Variants in SLC24A3 observed in about 807,000 individuals in gnomAD.
SLC24A3 encodes sodium/potassium/calcium exchanger 3.
A neutral mutation model predicts 75.8 loss-of-function variants in SLC24A3; 28 were observed. The observed-to-expected ratio is 0.37, with a 90% confidence interval of 0.27 to 0.51. The LOEUF is 0.51. Among genes scored for constraint, SLC24A3 ranks in the 20% least tolerant of loss-of-function variants. SLC24A3 has a pLI of 0.94. For synonymous variants in SLC24A3, 372 were observed against 334.1 expected (o/e 1.11, Z -1.24); for missense variants, 663 against 847.8 (o/e 0.78, Z 2.71).
At chr20:19,629,668 C>T (rs77506061) in intron 6 of SLC24A3, among the ~76,000 whole-genome samples, 6,742 of 152,208 alleles carry the variant, frequency 0.044, 523 homozygotes, top group African/African-American at 0.15. Context: ...AAGTGATTTG[C>T]CTCATACAAG....
At chr20:19,451,864 C>A (rs1211359614) in intron 2 of SLC24A3, among the ~76,000 whole-genome samples, 2 of 152,198 alleles carry the variant, frequency 1.3e-5, no homozygotes, top group African/African-American at 4.8e-5. Context: ...AACTTGGTCT[C>A]TGTTTTTTTC....
At chr20:19,358,019 G>T (rs763274824) in intron 2 of SLC24A3, among the ~76,000 whole-genome samples, 1 of 152,314 alleles carries the variant, frequency 6.6e-6, no homozygotes, top group African/African-American at 2.4e-5. Flanking sequence ...TACCACCACC[G>T]TAGGTCCAAT....
chr20:19,585,080 T>C lies in SLC24A3; in HGVS notation c.508+25T>C. ...GGTAGGTGACAGACTGAGGGACATCTCAGACCTTCACTGTCTGAAGGAAAA... is the reference window on the plus strand; with the variant it reads ...GGTAGGTGACAGACTGAGGGACATCCCAGACCTTCACTGTCTGAAGGAAAA... On this transcript the variant is annotated intron_variant, in intron 5 of 16. Coordinates refer to ENST00000328041, the MANE Select transcript of SLC24A3 (RefSeq NM_020689.4). 4 of 1,591,072 alleles carry C rather than the reference T, an allele frequency of 2.5e-6. 1 individual carries two copies. The highest frequency in any genetic ancestry group is 2.2e-5 in the South Asian group (2 of 90,324).
intron 2 of SLC24A3, among the ~76,000 whole-genome samples, chr20:19,366,887 C>A (rs1044669624): frequency 2.0e-5 from 3 of 152,178 alleles, no homozygotes; most frequent in African/African-American, 7.2e-5. Flanking sequence ...CTGCACCTGA[C>A]CACCATTCAT....
intron 12 of SLC24A3, among the ~76,000 whole-genome samples, chr20:19,686,061 C>T (rs2032671860): frequency 6.6e-6 from 1 of 152,166 alleles, no homozygotes; most frequent in African/African-American, 2.4e-5. Context: ...TCAAAAGAAA[C>T]TATAAGCATC....
At chr20:19,252,549 G>T (rs1369128195) in intron 1 of SLC24A3, among the ~76,000 whole-genome samples, 1 of 150,682 alleles carries the variant, frequency 6.6e-6, no homozygotes, top group East Asian at 2.0e-4. Flanking sequence ...TGACAGAGGG[G>T]TTGTTTCATC....
intron 2 of SLC24A3, among the ~76,000 whole-genome samples, chr20:19,460,837 G>GA (rs111328407): frequency 0.016 from 2,492 of 152,118 alleles, 69 homozygotes; most frequent in East Asian, 0.1. Flanking sequence ...TAAGTTACAG[G>GA]AAAAAAAGAA....
intron 2 of SLC24A3, among the ~76,000 whole-genome samples, chr20:19,405,747 A>C (rs1055376932): frequency 2.6e-5 from 4 of 152,202 alleles, no homozygotes; most frequent in Non-Finnish European, 5.9e-5. Context: ...GAAGAATTTA[A>C]ATTTTATTTC....
chr20:19,613,171 T>A (rs2031693476), intron 6 of SLC24A3, among the ~76,000 whole-genome samples: 1 of 152,252 alleles, frequency 6.6e-6, no homozygotes, highest in Non-Finnish European at 1.5e-5. Flanking sequence ...GTTTTAATTC[T>A]CCATCCTATG....
At chr20:19,542,397 G>A (rs187055739) in intron 3 of SLC24A3, among the ~76,000 whole-genome samples, 2 of 152,322 alleles carry the variant, frequency 1.3e-5, no homozygotes, top group African/African-American at 2.4e-5. Context: ...CTGCATCAGG[G>A]TGGTAAATTG....
intron 3 of SLC24A3, among the ~76,000 whole-genome samples, chr20:19,524,214 C>A (rs1568644150): frequency 6.6e-6 from 1 of 152,156 alleles, no homozygotes; most frequent in Non-Finnish European, 1.5e-5. Context: ...CCTGGGATCC[C>A]AATTAAATGA....
At chr20:19,626,303 C>A (rs1479350928) in intron 6 of SLC24A3, among the ~76,000 whole-genome samples, 1 of 152,264 alleles carries the variant, frequency 6.6e-6, no homozygotes, top group East Asian at 1.9e-4. Flanking sequence ...CAGGGAAGTA[C>A]CTTTTCTATG....
At chr20:19,687,482 T>A (rs2032691135) in intron 12 of SLC24A3, among the ~76,000 whole-genome samples, 1 of 152,216 alleles carries the variant, frequency 6.6e-6, no homozygotes, top group Non-Finnish European at 1.5e-5. Context: ...GACCTGTGTC[T>A]AGAATTCCAC....
At chr20:19,413,778 A>G (rs1168033877) in intron 2 of SLC24A3, among the ~76,000 whole-genome samples, 3 of 152,230 alleles carry the variant, frequency 2.0e-5, no homozygotes, top group African/African-American at 7.2e-5. Flanking sequence ...GGCTTAAAGT[A>G]AATGCATTGA....
chr20:19,286,422 G>A (rs772402710), intron 2 of SLC24A3, among the ~76,000 whole-genome samples: 4 of 152,068 alleles, frequency 2.6e-5, no homozygotes, highest in Non-Finnish European at 5.9e-5. Flanking sequence ...AACAGTGTCA[G>A]GATCCCACTG....
chr20:19,411,930 A>G (rs1986749785), intron 2 of SLC24A3, among the ~76,000 whole-genome samples: 1 of 152,152 alleles, frequency 6.6e-6, no homozygotes, highest in Non-Finnish European at 1.5e-5. Flanking sequence ...GAAATTCACA[A>G]TGTGAGCTAA....
intron 6 of SLC24A3, among the ~76,000 whole-genome samples, chr20:19,608,579 A>T (rs2031628122): frequency 2.0e-5 from 3 of 152,300 alleles, no homozygotes; most frequent in African/African-American, 7.2e-5. Flanking sequence ...TCCATTTTTC[A>T]TGTATGCTTT....
At chr20:19,577,006 G>A (rs1023204135) in intron 3 of SLC24A3, among the ~76,000 whole-genome samples, 2 of 151,922 alleles carry the variant, frequency 1.3e-5, no homozygotes, top group African/African-American at 4.8e-5. Flanking sequence ...TGTATTTTCT[G>A]ATTTATTCCC....
At chr20:19,682,121 G>A in intron 10 of SLC24A3, 130 bp downstream of exon 10, 1 of 1,054,208 alleles carries the variant, frequency 9.5e-7, no homozygotes, top group South Asian at 1.6e-5. Flanking sequence ...CAGGAGTGGT[G>A]GCCCAAGCCT....
Sources: gnomAD v4.1 joint callset for allele counts (sites outside exome capture counted in the v4.1 genomes callset) on GRCh38, gnomAD v4.1.1 for gene constraint, MANE v1.5 for transcripts, NCBI Gene and HGNC (gene_info 2026-07-23, HGNC 2026-07-21) for gene names.